The following IQCB1 variants were observed in gnomAD, a reference collection of about 807,000 sequenced individuals.
The protein encoded by IQCB1 is IQ calmodulin-binding motif-containing protein 1.
IQCB1 carries 56 observed loss-of-function variants against 84.4 expected under a neutral mutation model. The ratio of observed to expected loss-of-function variants is 0.66; its 90% CI spans 0.54 to 0.83. IQCB1 has a LOEUF of 0.83. IQCB1 is among the 40% of genes least tolerant of loss of function. The pLI is 0.00. For synonymous variants in IQCB1, 210 were observed against 234.8 expected, an observed-to-expected ratio of 0.89 and a Z score of 0.96; for missense variants, 629 against 682.1, an observed-to-expected ratio of 0.92 and a Z score of 0.87.
chr3:121,797,220 T>C lies in IQCB1; in HGVS notation c.774A>G (p.Arg258=), dbSNP rs752553530. The change falls in exon 9 of 15, where the codon AGA becomes AGG. Residue 258 remains arginine, a synonymous_variant. Coordinates refer to ENST00000310864, the MANE Select transcript of IQCB1 (RefSeq NM_001023570.4). ...CAGTTTCCTGTTTACTTAGTAGACG[T>C]CTGAGTCCTGAAATGGAATAGCAAA... ...LRQSTCYKGL[R]RLLSKQETGT... 3 of 1,547,216 alleles carry C rather than the reference T, an allele frequency of 1.9e-6. No homozygotes were observed. The highest frequency in any genetic ancestry group is 3.3e-5 in the Admixed American group (2 of 59,830).
chr3:121,797,937 T>C (rs1949265330), intron 8 of IQCB1, among the ~76,000 whole-genome samples: 1 of 151,990 alleles, frequency 6.6e-6, no homozygotes, highest in Non-Finnish European at 1.5e-5. Flanking sequence ...AACCACTATA[T>C]GGATCTTTTA....
At chr3:121,787,914 A>C (rs1341739515) in intron 12 of IQCB1, among the ~76,000 whole-genome samples, 1 of 152,240 alleles carries the variant, frequency 6.6e-6, no homozygotes, top group African/African-American at 2.4e-5. Context: ...TCTGATCCAC[A>C]TAACAACTGA....
intron 5 of IQCB1, among the ~76,000 whole-genome samples, chr3:121,816,433 A>T (rs1197590943): frequency 6.6e-6 from 1 of 152,200 alleles, no homozygotes; most frequent in Non-Finnish European, 1.5e-5. Context: ...ATCTAATTAA[A>T]CTAAAGAGCT....
chr3:121,830,715 C>T (rs1378619719), intron 2 of IQCB1, among the ~76,000 whole-genome samples: 1 of 152,166 alleles, frequency 6.6e-6, no homozygotes, highest in East Asian at 1.9e-4. Context: ...AAAACAGAAT[C>T]TATTTCTGAC....
chr3:121,822,064 T>C (rs1950294063), intron 5 of IQCB1, among the ~76,000 whole-genome samples: 1 of 152,222 alleles, frequency 6.6e-6, no homozygotes, highest in Admixed American at 6.5e-5. Flanking sequence ...GACTTCAGAC[T>C]CAAACTGAAA....
intron 5 of IQCB1, among the ~76,000 whole-genome samples, chr3:121,823,600 T>C (rs1204359873): frequency 6.6e-6 from 1 of 152,166 alleles, no homozygotes; most frequent in African/African-American, 2.4e-5. Context: ...AGTAGAATTA[T>C]ACACATGCAA....
At chr3:121,811,394 T>C (rs1290850244) in intron 5 of IQCB1, among the ~76,000 whole-genome samples, 1 of 152,132 alleles carries the variant, frequency 6.6e-6, no homozygotes, top group South Asian at 2.1e-4. Flanking sequence ...ACCTCAGTGG[T>C]GGCTAAAACC....
intron 13 of IQCB1, among the ~76,000 whole-genome samples, chr3:121,775,833 G>A (rs1948202437): frequency 6.6e-6 from 1 of 152,074 alleles, no homozygotes; most frequent in Non-Finnish European, 1.5e-5. Context: ...CACATACCTA[G>A]TTCATCACTA....
At chr3:121,782,501 T>C (rs560500106) in intron 12 of IQCB1, among the ~76,000 whole-genome samples, 52 of 152,400 alleles carry the variant, frequency 3.4e-4, no homozygotes, top group Non-Finnish European at 6.0e-4. Context: ...CCTGTTTTCA[T>C]AGGGCTTGAG....
At chr3:121,770,705 A>C in intron 14 of IQCB1, 131 bp from the exon 15 acceptor site, 1 of 779,978 alleles carries the variant, frequency 1.3e-6, no homozygotes, top group Non-Finnish European at 2.3e-6. Context: ...ACTTTTGAGA[A>C]AGGGTCTTGC....
intron 5 of IQCB1, among the ~76,000 whole-genome samples, chr3:121,812,660 G>A (rs1470297474): frequency 1.3e-5 from 2 of 152,138 alleles, no homozygotes; most frequent in South Asian, 2.1e-4. Context: ...CTAGCAGAAG[G>A]AAGGATATAA....
At chr3:121,776,962 T>C (rs1948255604) in intron 13 of IQCB1, among the ~76,000 whole-genome samples, 2 of 152,242 alleles carry the variant, frequency 1.3e-5, no homozygotes, top group Admixed American at 1.3e-4. Context: ...TTAATTCTGT[T>C]AATGGTGTCT....
chr3:121,788,364 C>T lies in IQCB1; in HGVS notation c.1198G>A (p.Gly400Arg), dbSNP rs1948821396. The T allele has an allele frequency of 6.2e-7, 1 of 1,613,522 alleles. No individual in the cohort carries two copies. Among genetic ancestry groups the T allele is most frequent in the Non-Finnish European group, 8.5e-7 (1 of 1,179,526 alleles). The part of the protein sequence containing the change: ...SALIIQKHWR[G>R]YRERKNFHQQ... ...TGAAAATTTTTCCTTTCCCTGTACCCTCTCCAATGTTTCTGGATAATCAGT... is the reference window on the plus strand; with the variant it reads ...TGAAAATTTTTCCTTTCCCTGTACCTTCTCCAATGTTTCTGGATAATCAGT... Residue 400 changes from glycine to arginine, a missense_variant, in exon 12 of 15, where the codon GGG (glycine) becomes AGG (arginine). Gly to Arg is a moderately radical substitution (Grantham distance 125, BLOSUM62 -2). Coordinates refer to ENST00000310864, the MANE Select transcript of IQCB1 (RefSeq NM_001023570.4).
Position 121,772,630 on chromosome 3 carries a change from G to C in IQCB1, c.1494C>G (p.Ala498=), listed in dbSNP as rs1576528789. The C allele has an allele frequency of 6.2e-7, 1 of 1,614,172 alleles. No homozygotes were observed. Among genetic ancestry groups the C allele is most frequent in the African/African-American group, 1.3e-5 (1 of 75,046 alleles). The change falls in exon 14 of 15, where the codon GCC becomes GCG. Residue 498 remains alanine, a synonymous_variant. Transcript: ENST00000310864. ...TGTGCTGCTGGGCTCGCTCTTCTAG[G>C]GCCCTGCCCATAAAGTAGTGTTGCA... ...ERLQHYFMGR[A]LEERAQQHRE... is the part of the protein sequence containing the mutation.
intron 12 of IQCB1, among the ~76,000 whole-genome samples, chr3:121,786,385 A>G (rs1360793390): frequency 1.3e-5 from 2 of 150,334 alleles, no homozygotes; most frequent in East Asian, 3.9e-4. Context: ...TAATCTCAGC[A>G]CTTAGGGAGG....
At chr3:121,770,740 TAGC>T (rs1947944900) in intron 14 of IQCB1, among the ~76,000 whole-genome samples, 166 bp from the exon 15 acceptor site, 4 of 152,222 alleles carry the variant, frequency 2.6e-5, no homozygotes, top group Admixed American at 2.6e-4. Flanking sequence ...TGGAGTGCAG[TAGC>T]AAGATCACGG....
chr3:121,785,206 T>C (rs1434685202), intron 12 of IQCB1, among the ~76,000 whole-genome samples: 1 of 152,128 alleles, frequency 6.6e-6, no homozygotes, highest in East Asian at 1.9e-4. Flanking sequence ...TAACCAGTTC[T>C]TCCTGAGGGA....
chr3:121,772,298 A>C (rs954486143), intron 14 of IQCB1, among the ~76,000 whole-genome samples: 6 of 152,170 alleles, frequency 3.9e-5, no homozygotes, highest in Non-Finnish European at 8.8e-5. Context: ...GATGGCTAGT[A>C]GGGCTCAGCA....
chr3:121,813,919 G>A (rs1056173724), intron 5 of IQCB1, among the ~76,000 whole-genome samples: 50 of 152,166 alleles, frequency 3.3e-4, no homozygotes, highest in Middle Eastern at 3.4e-3. Flanking sequence ...TGGACCAAGC[G>A]GACCTAATAG....
Sources: allele counts gnomAD v4.1 joint callset (sites outside exome capture counted in the v4.1 genomes callset), GRCh38; gene constraint gnomAD v4.1.1; transcripts MANE v1.5; gene names NCBI Gene and HGNC (gene_info 2026-07-23, HGNC 2026-07-21).